POTEF: variants seen among roughly 807,000 people sequenced by gnomAD.
POTEF encodes ANKRD26-like family C member 1B.
Under a neutral mutation model 83.2 loss-of-function variants are expected in POTEF, and 20 were observed. The ratio of observed to expected loss-of-function variants is 0.24; its 90% CI spans 0.17 to 0.35. POTEF has a LOEUF of 0.35. Ranked by LOEUF, POTEF falls within the 10% of genes least tolerant of loss-of-function variation. The probability of loss-of-function intolerance (pLI) is 1.00; values close to 1 mark genes in which losing one functional copy is unlikely to be tolerated. For synonymous variants in POTEF, 196 were observed against 446.4 expected (o/e 0.44, Z 7.07); for missense variants, 550 against 1,203.2 (o/e 0.46, Z 8.03).
chr2:130,104,008 G>A (rs1177203509), intron 8 of POTEF, among the ~76,000 whole-genome samples: 5 of 142,244 alleles, frequency 3.5e-5, no homozygotes, highest in African/African-American at 1.4e-4. Context: ...GTTCAAGAGT[G>A]GTCCCTGATC....
intron 5 of POTEF, among the ~76,000 whole-genome samples, chr2:130,113,891 G>A (rs1215407685): frequency 1.3e-5 from 2 of 151,494 alleles, no homozygotes; most frequent in Non-Finnish European, 2.9e-5. Context: ...GTAAGGAGTA[G>A]GAGAGAGACC....
chr2:130,083,347 A>AAT (rs1260289334), intron 15 of POTEF, among the ~76,000 whole-genome samples: 1 of 152,206 alleles, frequency 6.6e-6, no homozygotes, highest in African/African-American at 2.4e-5. Context: ...AAAAAAAAAA[A>AAT]TTATGAGAAA....
chr2:130,104,480 T>C (rs937950037), intron 8 of POTEF, among the ~76,000 whole-genome samples: 5 of 149,956 alleles, frequency 3.3e-5, no homozygotes, highest in Non-Finnish European at 5.9e-5. Context: ...ATTGCTTTGT[T>C]TAAAGGAAGA....
intron 1 of POTEF, among the ~76,000 whole-genome samples, chr2:130,128,443 A>T (rs1249931390): frequency 2.0e-4 from 31 of 151,400 alleles, no homozygotes; most frequent in Admixed American, 1.9e-3. Flanking sequence ...CACTGGCAGT[A>T]TAGCCCCCAT....
At chr2:130,121,107 C>T (rs1268218403) in intron 2 of POTEF, among the ~76,000 whole-genome samples, 2 of 151,834 alleles carry the variant, frequency 1.3e-5, no homozygotes, top group Non-Finnish European at 2.9e-5. Flanking sequence ...AAGCTGCTGC[C>T]GGGCGTGTGC....
chr2:130,110,140 A>T (rs1436271166), intron 7 of POTEF, among the ~76,000 whole-genome samples: 1 of 151,568 alleles, frequency 6.6e-6, no homozygotes, highest in South Asian at 2.1e-4. Flanking sequence ...TCGGTTCTTG[A>T]AAAATTCAAG....
At chr2:130,118,298 TTCC>T (rs1267326295) in intron 3 of POTEF, among the ~76,000 whole-genome samples, 3 of 151,878 alleles carry the variant, frequency 2.0e-5, no homozygotes, top group Non-Finnish European at 4.4e-5. Context: ...CTAACTTACA[TTCC>T]TTCTTCTACC....
intron 10 of POTEF, among the ~76,000 whole-genome samples, chr2:130,100,388 A>T (rs2104799097): frequency 1.4e-5 from 1 of 71,662 alleles, no homozygotes. Flanking sequence ...TAATCAGACT[A>T]AAACCAAGAA....
At chr2:130,111,907 A>C in intron 6 of POTEF, 88 bp downstream of exon 6, 1 of 1,048,568 alleles carries the variant, frequency 9.5e-7, no homozygotes, top group South Asian at 1.6e-5. Context: ...CATCCCAGTA[A>C]GTATACATTA....
intron 11 of POTEF, among the ~76,000 whole-genome samples, chr2:130,098,441 C>A (rs1355790166): frequency 6.6e-6 from 1 of 152,056 alleles, no homozygotes; most frequent in Non-Finnish European, 1.5e-5. Context: ...AATTTAATGA[C>A]TAGCAATCTT....
chr2:130,098,449 C>A (rs1235899538), intron 11 of POTEF, among the ~76,000 whole-genome samples: 1 of 152,074 alleles, frequency 6.6e-6, no homozygotes, highest in Non-Finnish European at 1.5e-5. Flanking sequence ...GACTAGCAAT[C>A]TTGTTGCTAA....
At chr2:130,113,625 T>G (rs1684769519) in intron 5 of POTEF, among the ~76,000 whole-genome samples, 1 of 101,118 alleles carries the variant, frequency 9.9e-6, no homozygotes, top group African/African-American at 3.5e-5. Flanking sequence ...TCAGCCTCCC[T>G]AGCAGCTGGG....
chr2:130,105,241 TTAA>T (rs1165121419), intron 8 of POTEF, among the ~76,000 whole-genome samples: 1 of 151,010 alleles, frequency 6.6e-6, no homozygotes, highest in Non-Finnish European at 1.5e-5. Context: ...CTGCCAACTA[TTAA>T]TGTTATTTCT....
At position 130,120,613 on chromosome 2, in the gene POTEF, T is replaced by C. The variant is rs545717838; in HGVS notation, c.-93-5A>G. The C allele has an allele frequency of 1.1e-5, 17 of 1,588,112 alleles. No homozygotes were observed. The highest frequency in any genetic ancestry group is 1.4e-5 in the Non-Finnish European group (16 of 1,167,374). ...AGGTAACTCCGGGTTTCCAATCTGT[T>C]TGAAGAGAAAAGTCAATCCCAGCCA... On this transcript the variant is annotated splice_region_variant and splice_polypyrimidine_tract_variant and intron_variant, in intron 2 of 16. Coordinates refer to ENST00000409914, the MANE Select transcript of POTEF (RefSeq NM_001099771.2).
chr2:130,126,108 A>G (rs536398309), intron 2 of POTEF, among the ~76,000 whole-genome samples: 1 of 149,972 alleles, frequency 6.7e-6, no homozygotes, highest in Non-Finnish European at 1.5e-5. Flanking sequence ...GTTCAAGACC[A>G]GCCTGACCAA....
In POTEF at chr2:130,075,159, C is replaced by T; in HGVS notation, c.2313G>A (p.Met771Ile). The change falls in exon 17 of 17, where the codon ATG becomes ATA. Residue 771 changes from methionine (M) to isoleucine (I), a missense_variant. Coordinates refer to ENST00000409914, the MANE Select transcript of POTEF (RefSeq NM_001099771.2). ...KRGILTLKYP[M>I]EHGIITNWDD... ...CCCAGTTGGTGATGATGCCGTGTTC[C>T]ATGGGGTACTTCAGGGTCAGGATGC... 6.2e-7 allele frequency: 1 copy of T among 1,613,374 alleles called. No individual in the cohort carries two copies. Among genetic ancestry groups the T allele is most frequent in the East Asian group, 2.2e-5 (1 of 44,848 alleles).
intron 8 of POTEF, among the ~76,000 whole-genome samples, chr2:130,104,429 CA>C (rs1346765511): frequency 1.4e-5 from 2 of 145,960 alleles, no homozygotes; most frequent in East Asian, 2.0e-4. Flanking sequence ...CTAGCCTATA[CA>C]AAAAACACTC....
chr2:130,119,038 T>C (rs1321248876), intron 3 of POTEF, among the ~76,000 whole-genome samples: 1 of 152,008 alleles, frequency 6.6e-6, no homozygotes, highest in Non-Finnish European at 1.5e-5. Flanking sequence ...AAGCAGCCTT[T>C]TTCCATTCTG....
At chr2:130,118,250 C>G (rs1341506426) in intron 3 of POTEF, among the ~76,000 whole-genome samples, 2 of 151,906 alleles carry the variant, frequency 1.3e-5, no homozygotes, top group Non-Finnish European at 2.9e-5. Context: ...TTTCATTCCT[C>G]TTCTAACTTA....
Sources: gnomAD v4.1 joint callset for allele counts (sites outside exome capture counted in the v4.1 genomes callset) on GRCh38, gnomAD v4.1.1 for gene constraint, MANE v1.5 for transcripts, NCBI Gene and HGNC (gene_info 2026-07-23, HGNC 2026-07-21) for gene names.